The following ALK variants were observed in gnomAD, a reference collection of about 807,000 sequenced individuals.
ALK encodes the protein ALK receptor tyrosine kinase.
Under a neutral mutation model 163.1 loss-of-function variants are expected in ALK, and 74 were observed. The observed-to-expected ratio is 0.45, with a 90% confidence interval of 0.38 to 0.55. ALK has a LOEUF of 0.55. Ranked by LOEUF, ALK falls within the 20% of genes least tolerant of loss-of-function variation. ALK has a pLI of 0.00. For synonymous variants in ALK, 960 were observed against 843.2 expected (o/e 1.14, Z -2.40); for missense variants, 2,063 against 2,105.3 (o/e 0.98, Z 0.39).
intron 3 of ALK, among the ~76,000 whole-genome samples, chr2:29,622,929 T>G (rs983681524): frequency 6.6e-6 from 1 of 152,186 alleles, no homozygotes; most frequent in Non-Finnish European, 1.5e-5. Flanking sequence ...TGGTTTCCAG[T>G]TTCTTCCTCT....
intron 13 of ALK, among the ~76,000 whole-genome samples, chr2:29,234,978 G>A (rs1664329047): frequency 1.3e-5 from 2 of 152,354 alleles, no homozygotes; most frequent in African/African-American, 2.4e-5. Flanking sequence ...CTCCCAAAGT[G>A]CTGGGATTAC....
intron 4 of ALK, among the ~76,000 whole-genome samples, chr2:29,470,151 A>G (rs1244272051): frequency 6.6e-6 from 1 of 152,168 alleles, no homozygotes; most frequent in Non-Finnish European, 1.5e-5. Context: ...GAAAATTAGG[A>G]TACTGGAAGA....
At chr2:29,473,815 C>T (rs1671430594) in intron 4 of ALK, among the ~76,000 whole-genome samples, 1 of 152,116 alleles carries the variant, frequency 6.6e-6, no homozygotes, top group African/African-American at 2.4e-5. Flanking sequence ...AAAATTGCAC[C>T]ATTGCACTCC....
intron 3 of ALK, among the ~76,000 whole-genome samples, chr2:29,667,127 G>A (rs774488534): frequency 2.0e-5 from 3 of 152,122 alleles, no homozygotes; most frequent in African/African-American, 2.4e-5. Flanking sequence ...ATTGTGAATA[G>A]TGTTGCAATA....
intron 4 of ALK, among the ~76,000 whole-genome samples, chr2:29,496,618 C>T (rs977641563): frequency 1.3e-5 from 2 of 152,120 alleles, no homozygotes; most frequent in Non-Finnish European, 2.9e-5. Context: ...CTTCTCCTAG[C>T]TTCATAATAA....
At chr2:29,541,322 C>T (rs1023787538) in intron 3 of ALK, among the ~76,000 whole-genome samples, 9 of 152,098 alleles carry the variant, frequency 5.9e-5, no homozygotes, top group East Asian at 1.9e-4. Context: ...ATTTTTTGTT[C>T]GAGACAGAGT....
Position 29,453,289 on chromosome 2 carries a change from T to C in ALK, c.1155-69430A>G, listed in dbSNP as rs572818551. Among the ~76,000 whole-genome samples the C allele has an allele frequency of 7.0e-4, 106 of 152,306 alleles. 1 individual carries two copies. The highest frequency in any genetic ancestry group is 1.2e-3 in the Admixed American group (18 of 15,296). ...GTCTGTTGCCCAGGGTAGAGTGCAA[T>C]GGCATGAGCATAGCTCACTGCAGCC... On this transcript the variant is annotated intron_variant, in intron 4 of 28. Transcript: ENST00000389048.
chr2:29,586,756 T>C (rs777617492), intron 3 of ALK, among the ~76,000 whole-genome samples: 1 of 152,214 alleles, frequency 6.6e-6, no homozygotes, highest in Non-Finnish European at 1.5e-5. Flanking sequence ...CCAAAATATA[T>C]AAAACACTTT....
intron 20 of ALK, 51 bp from the exon 21 acceptor site, chr2:29,222,658 T>C (rs572705514): frequency 6.5e-7 from 1 of 1,547,572 alleles, no homozygotes; most frequent in Non-Finnish European, 8.9e-7. Context: ...GCCACAATAA[T>C]GAGGCAGCTG....
At chr2:29,500,663 A>G in intron 4 of ALK, among the ~76,000 whole-genome samples, 1 of 151,770 alleles carries the variant, frequency 6.6e-6, no homozygotes, top group Admixed American at 6.6e-5. Context: ...CAGGAACTTC[A>G]TGGACATCAG....
chr2:29,766,963 G>GCC (rs988509354), intron 1 of ALK, among the ~76,000 whole-genome samples: 4 of 152,066 alleles, frequency 2.6e-5, no homozygotes, highest in African/African-American at 9.7e-5. Flanking sequence ...GCTCCACCTG[G>GCC]CCCCTCTCTG....
chr2:29,344,908 A>G (rs969558438), intron 5 of ALK, among the ~76,000 whole-genome samples: 4 of 152,198 alleles, frequency 2.6e-5, no homozygotes, highest in African/African-American at 7.2e-5. Flanking sequence ...GGAACAGATG[A>G]TGCCATGCTC....
intron 1 of ALK, among the ~76,000 whole-genome samples, chr2:29,823,298 T>C (rs1665101657): frequency 6.6e-6 from 1 of 152,180 alleles, no homozygotes; most frequent in East Asian, 1.9e-4. Context: ...GATATATCAT[T>C]ATCAGCAGCA....
intron 3 of ALK, among the ~76,000 whole-genome samples, chr2:29,579,842 C>G (rs527626197): frequency 4.7e-4 from 72 of 152,206 alleles, no homozygotes; most frequent in Non-Finnish European, 8.2e-4. Flanking sequence ...TAGGAGTCAA[C>G]AGCTTAAGGT....
chr2:29,410,582 G>T (rs1254515078), intron 4 of ALK, among the ~76,000 whole-genome samples: 2 of 152,194 alleles, frequency 1.3e-5, no homozygotes, highest in East Asian at 3.8e-4. Flanking sequence ...AGGCTATATA[G>T]TATGGCCTAT....
chr2:29,527,300 A>G (rs1297260392), intron 4 of ALK, among the ~76,000 whole-genome samples: 1 of 152,150 alleles, frequency 6.6e-6, no homozygotes, highest in African/African-American at 2.4e-5. Flanking sequence ...TTTGGTCAGA[A>G]CTGACTGCCT....
At chr2:29,728,432 C>T (rs1029822175) in intron 1 of ALK, among the ~76,000 whole-genome samples, 2 of 152,258 alleles carry the variant, frequency 1.3e-5, no homozygotes, top group Admixed American at 1.3e-4. Flanking sequence ...GAACCCCACA[C>T]TACCCTCTTA....
intron 12 of ALK, among the ~76,000 whole-genome samples, chr2:29,250,428 G>A (rs1396642456): frequency 1.3e-5 from 2 of 152,152 alleles, no homozygotes; most frequent in South Asian, 2.1e-4. Flanking sequence ...GACACCACCC[G>A]AGAACTTGTT....
intron 1 of ALK, among the ~76,000 whole-genome samples, chr2:29,884,718 A>G (rs1047296611): frequency 6.6e-6 from 1 of 152,244 alleles, no homozygotes; most frequent in Non-Finnish European, 1.5e-5. Flanking sequence ...ATGGTTTGAT[A>G]ATTTTAAGAA....
Sources: allele counts gnomAD v4.1 joint callset (sites outside exome capture counted in the v4.1 genomes callset), GRCh38; gene constraint gnomAD v4.1.1; transcripts MANE v1.5; gene names NCBI Gene and HGNC (gene_info 2026-07-23, HGNC 2026-07-21).